CD96: variants seen among roughly 807,000 people sequenced by gnomAD.
The protein encoded by CD96 is T-cell surface protein tactile.
Under a neutral mutation model 71.3 loss-of-function variants are expected in CD96, and 70 were observed. The ratio of observed to expected loss-of-function variants is 0.98; its 90% CI spans 0.81 to 1.20. The LOEUF (loss-of-function observed/expected upper bound fraction) is 1.20, where lower values mean the gene tolerates loss of function less well. Ranked by LOEUF, CD96 falls within the 50% of genes most tolerant of loss-of-function variation. The probability of loss-of-function intolerance (pLI) is 0.00; values close to 1 mark genes in which losing one functional copy is unlikely to be tolerated. For missense variants in CD96, 742 were observed against 677.5 expected (o/e 1.10, Z -1.06); for synonymous variants, 248 against 233.0 (o/e 1.06, Z -0.59).
chr3:111,642,942 A>T (rs567828449), intron 12 of CD96, among the ~76,000 whole-genome samples: 1 of 152,176 alleles, frequency 6.6e-6, no homozygotes, highest in East Asian at 1.9e-4. Flanking sequence ...CAAGATAGAG[A>T]AAGAAGGAAT....
intron 2 of CD96, among the ~76,000 whole-genome samples, chr3:111,555,081 G>A (rs77418111): frequency 0.034 from 5,167 of 152,136 alleles, 211 homozygotes; most frequent in East Asian, 0.12. Context: ...TACAGATGAA[G>A]CTTTTCTTAC....
At chr3:111,658,878 G>A (rs993945469) in intron 14 of CD96, among the ~76,000 whole-genome samples, 1 of 152,148 alleles carries the variant, frequency 6.6e-6, no homozygotes, top group Non-Finnish European at 1.5e-5. Context: ...GCCAGATTTT[G>A]GTATCAGTCT....
Position 111,652,219 on chromosome 3 carries a change from A to AT in CD96, c.*2413_*2414insT, listed in dbSNP as rs1940115051. The AT allele has an allele frequency of 6.6e-6, 1 of 152,156 alleles. No homozygotes were observed. Among genetic ancestry groups the AT allele is most frequent in the South Asian group, 2.1e-4 (1 of 4,830 alleles). 9.4% of individuals were successfully genotyped at this position (152,156 alleles called of 1,614,324 possible). A position where few individuals can be genotyped will look rare whatever the true frequency, so the allele number is the denominator to read the frequency against. On this transcript the variant is annotated 3_prime_UTR_variant, in exon 14 of 14. Coordinates refer to ENST00000352690, the MANE Select transcript of CD96 (RefSeq NM_005816.5). ...AACTATACAGCTCAACAACTAGAAA[A>AT]ATAAACTGTTTACCTGCCTTAATTA...
chr3:111,583,118 A>G (rs749344399), intron 4 of CD96, among the ~76,000 whole-genome samples: 49 of 152,238 alleles, frequency 3.2e-4, no homozygotes, highest in African/African-American at 9.6e-4. Context: ...AGTAAATACA[A>G]CCATTCTAAA....
chr3:111,555,528 C>A (rs567541233), intron 2 of CD96, among the ~76,000 whole-genome samples: 1 of 152,288 alleles, frequency 6.6e-6, no homozygotes, highest in Non-Finnish European at 1.5e-5. Flanking sequence ...ATATATCTTT[C>A]GATCGCCATT....
At chr3:111,629,000 G>A (rs924134770) in intron 10 of CD96, among the ~76,000 whole-genome samples, 1 of 152,132 alleles carries the variant, frequency 6.6e-6, no homozygotes, top group Non-Finnish European at 1.5e-5. Context: ...CTTTAGAAGA[G>A]GTCCTGAAGG....
intron 14 of CD96, among the ~76,000 whole-genome samples, chr3:111,659,180 T>C (rs1018374363): frequency 6.6e-6 from 1 of 152,230 alleles, no homozygotes; most frequent in African/African-American, 2.4e-5. Flanking sequence ...ATATAGTTGA[T>C]CATAGTCCCT....
intron 8 of CD96, among the ~76,000 whole-genome samples, chr3:111,621,391 A>G (rs1037442749): frequency 6.6e-6 from 1 of 152,210 alleles, no homozygotes; most frequent in African/African-American, 2.4e-5. Flanking sequence ...AACCATCTTT[A>G]TTCATTAGGA....
chr3:111,583,966 C>T (rs958270639), intron 4 of CD96, among the ~76,000 whole-genome samples: 1 of 152,192 alleles, frequency 6.6e-6, no homozygotes, highest in East Asian at 1.9e-4. Flanking sequence ...GAATTTCTCC[C>T]TAGAAAATGG....
intron 3 of CD96, among the ~76,000 whole-genome samples, chr3:111,569,551 T>C (rs911356766): frequency 2.0e-5 from 3 of 152,230 alleles, no homozygotes; most frequent in Admixed American, 6.5e-5. Context: ...ATGCATAGCT[T>C]GCTTAATATT....
chr3:111,598,957 T>TTTTTA (rs200746113), intron 6 of CD96, among the ~76,000 whole-genome samples: 7,773 of 151,572 alleles, frequency 0.051, 640 homozygotes, highest in African/African-American at 0.17. Flanking sequence ...TTCTGAATTA[T>TTTTTA]TTTTATTTTA....
intron 10 of CD96, among the ~76,000 whole-genome samples, chr3:111,629,327 AAC>A (rs1938942045): frequency 6.6e-6 from 1 of 152,208 alleles, no homozygotes; most frequent in South Asian, 2.1e-4. Context: ...AAATTTGCCA[AAC>A]AAATGGAAAA....
chr3:111,570,689 G>A (rs2107557354), intron 3 of CD96: 1 of 1,612,210 alleles, frequency 6.2e-7, no homozygotes, highest in South Asian at 1.1e-5. Context: ...AGGAATCAGA[G>A]GGGCTGCTGT....
intron 1 of CD96, among the ~76,000 whole-genome samples, chr3:111,544,040 C>T (rs1187226287): frequency 6.6e-6 from 1 of 152,176 alleles, no homozygotes; most frequent in African/African-American, 2.4e-5. Context: ...CTTTGTCTTC[C>T]TTGGCTGGAG....
At chr3:111,553,505 T>A (rs927386201) in intron 2 of CD96, among the ~76,000 whole-genome samples, 3 of 150,648 alleles carry the variant, frequency 2.0e-5, no homozygotes, top group African/African-American at 7.3e-5. Context: ...TAATTCTGGT[T>A]ACATGATATT....
chr3:111,641,978 C>T (rs1200498932), intron 12 of CD96, among the ~76,000 whole-genome samples: 6 of 152,076 alleles, frequency 3.9e-5, no homozygotes, highest in Non-Finnish European at 8.8e-5. Context: ...CCTATCGAAC[C>T]TCTGGGATAC....
chr3:111,596,946 A>G (rs1937287361), intron 5 of CD96, among the ~76,000 whole-genome samples: 1 of 152,170 alleles, frequency 6.6e-6, no homozygotes, highest in African/African-American at 2.4e-5. Context: ...TTTCATTGGG[A>G]TTTCTGTAGC....
rs1047628930 is a variant in CD96, at chr3:111,626,271, C to A, written c.1321+1867C>A. 5.4e-5 allele frequency among the ~76,000 whole-genome samples: 7 copies of A among 128,774 alleles called. No homozygotes were observed. The East Asian group carries it at 1.6e-3, about 29-fold the overall frequency. The allele number at this position is 128,774 out of a possible 152,430, so 84.5% of individuals were successfully genotyped here. A position where few individuals can be genotyped will look rare whatever the true frequency, so the allele number is the denominator to read the frequency against. On this transcript the variant is annotated intron_variant, in intron 10 of 13. Transcript: ENST00000352690. ...AGCCAAGATCGAGATTGCGCCACTG[C>A]ACTCCAGCCTGGGTGACAGAGTAAG...
chr3:111,652,830 G>A (rs1576439612), downstream of CD96, among the ~76,000 whole-genome samples: 1 of 151,760 alleles, frequency 6.6e-6, no homozygotes, highest in Non-Finnish European at 1.5e-5. Flanking sequence ...AATTGTGTGC[G>A]AGTAAATTCA....
Sources: gnomAD v4.1 joint callset for allele counts (sites outside exome capture counted in the v4.1 genomes callset) on GRCh38, gnomAD v4.1.1 for gene constraint, MANE v1.5 for transcripts, NCBI Gene and HGNC (gene_info 2026-07-23, HGNC 2026-07-21) for gene names.